C16orf96: variants seen among roughly 807,000 people sequenced by gnomAD.
C16orf96 encodes the protein chromosome 16 open reading frame 96, also known as uncharacterized protein C16orf96.
Under a neutral mutation model 103.6 loss-of-function variants are expected in C16orf96, and 108 were observed. That is an observed-to-expected ratio of 1.04 (90% CI 0.89 to 1.22). The LOEUF (loss-of-function observed/expected upper bound fraction) is 1.22. Among genes scored for constraint, C16orf96 ranks in the 50% most tolerant of loss-of-function variants. The pLI, the probability that C16orf96 is intolerant of heterozygous loss-of-function variation, is 0.00. For synonymous variants in C16orf96, 566 were observed against 593.5 expected, an observed-to-expected ratio of 0.95 and a Z score of 0.67; for missense variants, 1,586 against 1,464.2, an observed-to-expected ratio of 1.08 and a Z score of -1.36.
chr16:4,583,537 G>C (rs527431893), intron 7 of C16orf96, among the ~76,000 whole-genome samples: 1 of 151,816 alleles, frequency 6.6e-6, no homozygotes, highest in South Asian at 2.1e-4. Context: ...TACAGTCTTA[G>C]GATTTTGAAC....
the C16orf96 span, among the ~76,000 whole-genome samples, chr16:4,547,733 T>TTTCC: frequency 5.2e-3 from 760 of 145,996 alleles, 14 homozygotes; most frequent in African/African-American, 0.019. Context: ...TCTTTCTTTC[T>TTTCC]TTCTCCTTCC....
chr16:4,588,678 G>A (rs1023702356), intron 9 of C16orf96, among the ~76,000 whole-genome samples: 3 of 151,198 alleles, frequency 2.0e-5, no homozygotes, highest in Non-Finnish European at 4.4e-5. Context: ...TGATCCAAGA[G>A]GGGAAGGAAG....
At chr16:4,553,352 C>T (rs894210403), upstream of C16orf96, among the ~76,000 whole-genome samples, 2 of 152,106 alleles carry the variant, frequency 1.3e-5, no homozygotes, top group Non-Finnish European at 2.9e-5. Context: ...GAGTGGCTGC[C>T]AGATCAGTTC....
At chr16:4,549,488 A>C in the C16orf96 span, among the ~76,000 whole-genome samples, 23 of 151,236 alleles carry the variant, frequency 1.5e-4, no homozygotes, top group African/African-American at 4.6e-4. Context: ...AAAAAAAAAA[A>C]AACAACCAAC....
Position 4,574,991 on chromosome 16 carries a change from T to A in C16orf96, c.626T>A (p.Phe209Tyr). 1.3e-6 allele frequency: 2 copies of A among 1,551,480 alleles called. No homozygotes were observed. Among genetic ancestry groups the A allele is most frequent in the Non-Finnish European group, 1.7e-6 (2 of 1,146,992 alleles). ...TTGCAGGCTTCTCTCCAGAATAAGT[T>A]TAAAACCATCCCCAAAACCGAGGAC... ...QREVASLQNK[F>Y]KTIPKTEDMV... Residue 209 changes from phenylalanine to tyrosine, a missense_variant, in exon 4 of 16, where the codon TTT becomes TAT. Coordinates refer to ENST00000444310, the MANE Select transcript of C16orf96 (RefSeq NM_001145011.2).
chr16:4,563,276 G>T (rs1567439264), intron 1 of C16orf96: 4 of 398,888 alleles, frequency 1.0e-5, no homozygotes, highest in Admixed American at 3.7e-5. Flanking sequence ...TTAAGGCAGG[G>T]TCTCACTCTG....
rs1897256114 is a variant in C16orf96 at position 4,600,279 on chromosome 16, GT to G, written c.3389del (p.Val1130AlafsTer128). The G allele has an allele frequency of 6.4e-7, 1 of 1,551,222 alleles. No individual in the cohort carries two copies. The highest frequency in any genetic ancestry group is 8.7e-7 in the Non-Finnish European group (1 of 1,146,918). ...LSRAPHIESR[V>X]GRKPPEEPAN... The stretch of plus-strand genomic sequence containing the variant: ...AAGAGCTCCACACATTGAGTCCCGA[GT>G]CGGCAGGAAGCCCCCCGAGGAGCCC... On this transcript the variant is annotated frameshift_variant, in exon 16 of 16. Transcript: ENST00000444310. LOFTEE classifies it low-confidence loss of function (END_TRUNC).
chr16:4,590,756 C>T (rs548994047), intron 9 of C16orf96, among the ~76,000 whole-genome samples: 11 of 150,604 alleles, frequency 7.3e-5, no homozygotes, highest in Admixed American at 4.0e-4. Flanking sequence ...TGGTGGCTCA[C>T]GTCTGTAATC....
chr16:4,557,152 T>C (rs2059274352), intron 1 of C16orf96, among the ~76,000 whole-genome samples: 1 of 152,146 alleles, frequency 6.6e-6, no homozygotes, highest in Admixed American at 6.6e-5. Context: ...GTATTTTTAG[T>C]AGAGATGGGG....
chr16:4,555,318 A>G (rs1355451199), upstream of C16orf96, among the ~76,000 whole-genome samples: 2 of 91,866 alleles, frequency 2.2e-5, no homozygotes, highest in Non-Finnish European at 5.9e-5. Flanking sequence ...ACACGAGAAA[A>G]TGGAACACTG....
chr16:4,549,575 A>G, the C16orf96 span, among the ~76,000 whole-genome samples: 1 of 151,790 alleles, frequency 6.6e-6, no homozygotes, highest in East Asian at 1.9e-4. Context: ...AGGCAGGTGG[A>G]TCATCTGAGG....
rs561974138 is a variant in C16orf96, at chr16:4,556,914, G to T, written c.420+5G>T. 3 of 1,532,120 alleles carry T rather than the reference G, an allele frequency of 2.0e-6. No individual in the cohort carries two copies. Among genetic ancestry groups the T allele is most frequent in the Non-Finnish European group, 2.6e-6 (3 of 1,133,822 alleles). 94.9% of individuals were successfully genotyped at this position (1,532,120 alleles called of 1,614,324 possible). A position where few individuals can be genotyped will look rare whatever the true frequency, so the allele number is the denominator to read the frequency against. ...CATGATGAAGTCATGGCCAAGGTAC[G>T]CCCCCAGCCTCCAGACACTTCTTTT... is the stretch of plus-strand genomic sequence containing the variant. On this transcript the variant is annotated splice_donor_5th_base_variant and intron_variant, in intron 1 of 15. Coordinates refer to ENST00000444310, the MANE Select transcript of C16orf96 (RefSeq NM_001145011.2).
chr16:4,547,098 C>A, the C16orf96 span, among the ~76,000 whole-genome samples: 126 of 152,244 alleles, frequency 8.3e-4, no homozygotes, highest in Non-Finnish European at 1.6e-3. Flanking sequence ...TGAAAGAAGC[C>A]CTTCCTAAGT....
chr16:4,566,925 A>C (rs1281798763), intron 1 of C16orf96, among the ~76,000 whole-genome samples: 2 of 151,990 alleles, frequency 1.3e-5, no homozygotes, highest in African/African-American at 4.8e-5. Context: ...AAGTTTGTCA[A>C]TTTTGTTGAC....
chr16:4,547,174 G>T, the C16orf96 span, among the ~76,000 whole-genome samples: 1 of 152,148 alleles, frequency 6.6e-6, no homozygotes, highest in African/African-American at 2.4e-5. Context: ...TCGCTCTGTC[G>T]CCCAGGCTGG....
At chr16:4,558,687 G>A (rs1405126728) in intron 1 of C16orf96, among the ~76,000 whole-genome samples, 1 of 152,046 alleles carries the variant, frequency 6.6e-6, no homozygotes, top group Non-Finnish European at 1.5e-5. Flanking sequence ...GGCCAAGGTG[G>A]GTGGATCACC....
At chr16:4,572,916 G>C (rs1469875063) in intron 2 of C16orf96, among the ~76,000 whole-genome samples, 1 of 152,082 alleles carries the variant, frequency 6.6e-6, no homozygotes, top group Non-Finnish European at 1.5e-5. Flanking sequence ...GTCACAGCTG[G>C]GGTCTGAAGC....
chr16:4,556,551 T>C lies in C16orf96; in HGVS notation c.62T>C (p.Leu21Pro), dbSNP rs191227556. 1,757 of 1,551,192 alleles carry C rather than the reference T, an allele frequency of 1.1e-3. 2 individuals carry two copies. Among genetic ancestry groups the C allele is most frequent in the Non-Finnish European group, 1.5e-3 (1,664 of 1,146,670 alleles). The change falls in exon 1 of 16, where the codon CTG (leucine) becomes CCG (proline). Residue 21 changes from leucine (L) to proline (P), a missense_variant. Leu to Pro is a moderately conservative substitution (Grantham distance 98, BLOSUM62 -3). Transcript: ENST00000444310. Reference sequence around the variant, plus strand: ...ATCGCCATCCCACAGTGCGGGGTGCTGAACTTCAAGGCCCTGCACCTCCTG... The same window carrying C: ...ATCGCCATCCCACAGTGCGGGGTGCCGAACTTCAAGGCCCTGCACCTCCTG... ...ANIAIPQCGV[L>P]NFKALHLLLH...
Position 4,594,785 on chromosome 16 carries a change from G to T in C16orf96, c.3109G>T (p.Val1037Phe). The T allele has an allele frequency of 6.4e-7, 1 of 1,550,636 alleles. No individual in the cohort carries two copies. The highest frequency in any genetic ancestry group is 8.7e-7 in the Non-Finnish European group (1 of 1,146,870). The change falls in exon 14 of 16, where the codon GTC (valine) becomes TTC (phenylalanine). Residue 1037 changes from valine to phenylalanine, a missense_variant. Val to Phe is a conservative substitution (Grantham distance 50). Transcript: ENST00000444310. ...CCAGCGTGGGGCTCAGCCCTTGGCC[G>T]TCGCAAAGGAGCTGGCAGGTGAGGG... ...NSQRGAQPLA[V>F]AKELAAVKAP...
Sources: gnomAD v4.1 joint callset for allele counts (sites outside exome capture counted in the v4.1 genomes callset) on GRCh38, gnomAD v4.1.1 for gene constraint, MANE v1.5 for transcripts, NCBI Gene and HGNC (gene_info 2026-07-23, HGNC 2026-07-21) for gene names.